MEMO1: variants seen among roughly 807,000 people sequenced by gnomAD.
MEMO1 encodes the protein protein MEMO1.
A neutral mutation model predicts 45.2 loss-of-function variants in MEMO1; 6 were observed. The observed-to-expected ratio is 0.13, with a 90% CI of 0.07 to 0.26. The LOEUF (loss-of-function observed/expected upper bound fraction) is 0.26. Among genes scored for constraint, MEMO1 ranks in the 10% least tolerant of loss-of-function variants. The pLI is 1.00. For missense variants in MEMO1, 184 were observed against 370.5 expected, an observed-to-expected ratio of 0.50 and a Z score of 4.13; for synonymous variants, 78 against 124.3, an observed-to-expected ratio of 0.63 and a Z score of 2.48.
chr2:31,915,153 A>G (rs1286232134), intron 6 of MEMO1, among the ~76,000 whole-genome samples: 1 of 152,054 alleles, frequency 6.6e-6, no homozygotes, highest in African/African-American at 2.4e-5. Flanking sequence ...CTTCTCCAAA[A>G]AAAGAGAAAC....
intron 7 of MEMO1, among the ~76,000 whole-genome samples, chr2:31,888,226 G>C (rs1272797602): frequency 6.6e-6 from 1 of 151,780 alleles, no homozygotes; most frequent in Non-Finnish European, 1.5e-5. Flanking sequence ...TGTTCTCCAG[G>C]CTAGATTCAA....
chr2:31,899,979 GA>G (rs1239801017), intron 6 of MEMO1, among the ~76,000 whole-genome samples: 5 of 152,220 alleles, frequency 3.3e-5, no homozygotes, highest in Non-Finnish European at 7.3e-5. Flanking sequence ...ACCACAGTGT[GA>G]TACCATCTCA....
chr2:31,874,515 T>C (rs1025699129), intron 8 of MEMO1, among the ~76,000 whole-genome samples: 5 of 152,084 alleles, frequency 3.3e-5, no homozygotes, highest in Non-Finnish European at 5.9e-5. Flanking sequence ...GCAATAAGAA[T>C]AGCTATTTTT....
intron 2 of MEMO1, among the ~76,000 whole-genome samples, chr2:31,976,781 A>C (rs1414932952): frequency 2.0e-5 from 3 of 152,130 alleles, no homozygotes; most frequent in Non-Finnish European, 2.9e-5. Context: ...ACACCAAAAT[A>C]TTTCAAGCAA....
At chr2:31,952,980 A>C (rs562770658) in intron 2 of MEMO1, among the ~76,000 whole-genome samples, 51 of 152,342 alleles carry the variant, frequency 3.3e-4, no homozygotes, top group Non-Finnish European at 6.3e-4. Flanking sequence ...GTTTCCTTAA[A>C]CATTAATATA....
intron 2 of MEMO1, chr2:31,963,073 C>G: frequency 1.5e-6 from 2 of 1,352,484 alleles, no homozygotes; most frequent in Non-Finnish European, 1.9e-6. Flanking sequence ...GAAATACTGG[C>G]TCTTCCTAAG....
At chr2:31,880,490 T>C (rs1349228506) in intron 8 of MEMO1, among the ~76,000 whole-genome samples, 1 of 152,200 alleles carries the variant, frequency 6.6e-6, no homozygotes, top group African/African-American at 2.4e-5. Context: ...ATATATTCTA[T>C]TTATACATTC....
intron 2 of MEMO1, among the ~76,000 whole-genome samples, chr2:31,957,459 T>C (rs62142080): frequency 0.38 from 57,049 of 152,050 alleles, 10,905 homozygotes; most frequent in Non-Finnish European, 0.4. Context: ...TTAAAATGCA[T>C]AAAACCAAAC....
chr2:31,967,416 G>A (rs529642692), intron 2 of MEMO1, among the ~76,000 whole-genome samples: 1 of 152,012 alleles, frequency 6.6e-6, no homozygotes, highest in East Asian at 1.9e-4. Context: ...GAGCCACCGC[G>A]CCCGGCCAAT....
rs192928485 is a variant in MEMO1 at position 31,887,362 on chromosome 2, T to C, written c.581-3900A>G. Reference sequence around the variant, plus strand: ...ATAATGACCTTGGAAAGTTGATCTATAAAGCCCCCAAAAGATCAGTCAATA... The same window carrying C: ...ATAATGACCTTGGAAAGTTGATCTACAAAGCCCCCAAAAGATCAGTCAATA... On this transcript the variant is annotated intron_variant, in intron 7 of 9. Transcript: ENST00000404530. 2.3e-3 allele frequency among the ~76,000 whole-genome samples: 345 copies of C among 152,262 alleles called. 1 individual carries two copies. Among genetic ancestry groups the C allele is most frequent in the African/African-American group, 8.2e-3 (340 of 41,552 alleles).
At chr2:31,962,555 ACCT>A (rs1668129217) in intron 2 of MEMO1, among the ~76,000 whole-genome samples, 1 of 152,068 alleles carries the variant, frequency 6.6e-6, no homozygotes, top group South Asian at 2.1e-4. Context: ...AACACCAAAA[ACCT>A]CCTTCCCAAA....
intron 7 of MEMO1, among the ~76,000 whole-genome samples, chr2:31,884,935 TAAAAA>T (rs58729347): frequency 0.089 from 13,385 of 150,186 alleles, 662 homozygotes; most frequent in Middle Eastern, 0.19. Flanking sequence ...GTCTTTGAAC[TAAAAA>T]AAAAATTCTT....
intron 8 of MEMO1, among the ~76,000 whole-genome samples, chr2:31,874,791 C>G (rs2147893200): frequency 6.6e-6 from 1 of 151,784 alleles, no homozygotes; most frequent in East Asian, 1.9e-4. Flanking sequence ...GATATTGGTT[C>G]TCAAATGATT....
intron 2 of MEMO1, among the ~76,000 whole-genome samples, chr2:31,971,008 T>C (rs913672061): frequency 4.6e-5 from 7 of 152,026 alleles, no homozygotes; most frequent in African/African-American, 7.2e-5. Context: ...CATCTCAAAA[T>C]AAAACAAAGA....
intron 8 of MEMO1, among the ~76,000 whole-genome samples, chr2:31,871,671 T>C (rs999212360): frequency 6.6e-6 from 1 of 152,058 alleles, no homozygotes; most frequent in Non-Finnish European, 1.5e-5. Context: ...GTCAACACTC[T>C]CCACCGACAC....
chr2:31,993,545 T>G (rs1672193730), intron 2 of MEMO1, among the ~76,000 whole-genome samples: 1 of 152,160 alleles, frequency 6.6e-6, no homozygotes, highest in Non-Finnish European at 1.5e-5. Context: ...GGCTAGAATT[T>G]CCGGATCAGA....
chr2:31,887,199 C>T (rs1381029504), intron 7 of MEMO1, among the ~76,000 whole-genome samples: 1 of 152,106 alleles, frequency 6.6e-6, no homozygotes, highest in Non-Finnish European at 1.5e-5. Flanking sequence ...CTGTTTAACA[C>T]ACAACAATCA....
Position 31,907,367 on chromosome 2 carries a change from C to T in MEMO1, c.437+10559G>A, listed in dbSNP as rs1021688318. ...TAGGGTGTTTCCTTATTTTTGTATT[C>T]TCCATCCTTAAACATAGATTAGTAC... On this transcript the variant is annotated intron_variant, in intron 6 of 9. Coordinates refer to ENST00000404530, the MANE Select transcript of MEMO1 (RefSeq NM_001301833.4). 3.3e-5 allele frequency among the ~76,000 whole-genome samples: 5 copies of T among 152,254 alleles called. No individual in the cohort carries two copies. The East Asian group carries it at 7.7e-4, about 23-fold the overall frequency.
intron 2 of MEMO1, among the ~76,000 whole-genome samples, chr2:31,969,653 G>C (rs1230758843): frequency 4.1e-5 from 6 of 145,104 alleles, no homozygotes; most frequent in Admixed American, 2.8e-4. Flanking sequence ...GGCTCTCTCT[G>C]TTGCCCAGGC....
Sources: allele counts gnomAD v4.1 joint callset (sites outside exome capture counted in the v4.1 genomes callset), GRCh38; gene constraint gnomAD v4.1.1; transcripts MANE v1.5; gene names NCBI Gene and HGNC (gene_info 2026-07-23, HGNC 2026-07-21).